RAPGEF5: variants seen among roughly 807,000 people sequenced by gnomAD.
RAPGEF5 encodes the protein M-Ras-regulated GEF.
RAPGEF5 carries 65 observed loss-of-function variants against 125.2 expected under a neutral mutation model. The ratio of observed to expected loss-of-function variants is 0.52; its 90% CI spans 0.43 to 0.64. The LOEUF (loss-of-function observed/expected upper bound fraction) is 0.64, where lower values mean the gene tolerates loss of function less well. RAPGEF5 is among the 30% of genes least tolerant of loss of function. The pLI is 0.00. For missense variants in RAPGEF5, 958 were observed against 1,048.1 expected (o/e 0.91, Z 1.19); for synonymous variants, 391 against 385.9 (o/e 1.01, Z -0.16).
chr7:22,287,481 A>T (rs1782824246), intron 6 of RAPGEF5, among the ~76,000 whole-genome samples: 1 of 152,232 alleles, frequency 6.6e-6, no homozygotes, highest in Non-Finnish European at 1.5e-5. Context: ...AGATAGTCAC[A>T]TGCAAAAATA....
intron 11 of RAPGEF5, among the ~76,000 whole-genome samples, chr7:22,185,680 A>T (rs1784803303): frequency 6.6e-6 from 1 of 152,164 alleles, no homozygotes; most frequent in South Asian, 2.1e-4. Flanking sequence ...GGGGATTTGT[A>T]CTGTCACTGT....
chr7:22,281,208 A>G (rs1782666142), intron 6 of RAPGEF5, among the ~76,000 whole-genome samples: 1 of 152,046 alleles, frequency 6.6e-6, no homozygotes, highest in South Asian at 2.1e-4. Context: ...ATTGGAGAAG[A>G]TGATTTCTTT....
chr7:22,126,616 A>AT (rs952186827), intron 24 of RAPGEF5, among the ~76,000 whole-genome samples: 21 of 151,910 alleles, frequency 1.4e-4, no homozygotes, highest in African/African-American at 3.6e-4. Flanking sequence ...CATTAACATC[A>AT]TTTTTTTTGT....
intron 6 of RAPGEF5, among the ~76,000 whole-genome samples, chr7:22,290,732 G>C (rs1437000388): frequency 7.4e-6 from 1 of 134,466 alleles, no homozygotes; most frequent in South Asian, 2.5e-4. Flanking sequence ...GCGACAGAGC[G>C]AGACTCCGTC....
rs1204077011 is a variant in RAPGEF5 at position 22,121,424 on chromosome 7, A to T, written c.*982T>A. 6.6e-6 allele frequency: 1 copy of T among 152,024 alleles called. No homozygotes were observed. Among genetic ancestry groups the T allele is most frequent in the African/African-American group, 2.4e-5 (1 of 41,356 alleles). 9.4% of individuals were successfully genotyped at this position (152,024 alleles called of 1,614,324 possible). A position where few individuals can be genotyped will look rare whatever the true frequency, so the allele number is the denominator to read the frequency against. ...TGCTTCACTCATTAAATGTCACTTA[A>T]CCTCCCTGCACTGGCTGCTGTCATT... On this transcript the variant is annotated 3_prime_UTR_variant, in exon 26 of 26. Coordinates refer to ENST00000665637, the MANE Select transcript of RAPGEF5 (RefSeq NM_012294.5).
intron 11 of RAPGEF5, among the ~76,000 whole-genome samples, chr7:22,168,595 T>A (rs1784247025): frequency 6.6e-6 from 1 of 152,214 alleles, no homozygotes; most frequent in Non-Finnish European, 1.5e-5. Flanking sequence ...GAAGACTGGA[T>A]GAAAGAAAAT....
chr7:22,152,564 A>G (rs1318645095), intron 17 of RAPGEF5, among the ~76,000 whole-genome samples: 1 of 152,176 alleles, frequency 6.6e-6, no homozygotes, highest in Admixed American at 6.5e-5. Context: ...ACGTATAACT[A>G]CCCTGGGTAA....
At chr7:22,275,549 G>A (rs1782536398) in intron 6 of RAPGEF5, among the ~76,000 whole-genome samples, 1 of 152,204 alleles carries the variant, frequency 6.6e-6, no homozygotes, top group Non-Finnish European at 1.5e-5. Context: ...ACTGTCCACA[G>A]TGGAAATGGT....
In RAPGEF5 at chr7:22,160,701, G is replaced by C. The variant is rs1040519232; in HGVS notation, c.1429-86C>G. ...CTCATACCATGGCTATCCTAACACA[G>C]GAAATAAGGAGGGATTCAGGACAAT... On this transcript the variant is annotated intron_variant, in intron 13 of 25. Coordinates refer to ENST00000665637, the MANE Select transcript of RAPGEF5 (RefSeq NM_012294.5). The C allele has an allele frequency of 6.5e-6, 9 of 1,382,494 alleles. No individual in the cohort carries two copies. The East Asian group carries it at 2.3e-4, about 35-fold the overall frequency. The allele number at this position is 1,382,494 out of a possible 1,614,324, so 85.6% of individuals were successfully genotyped here.
intron 5 of RAPGEF5, among the ~76,000 whole-genome samples, chr7:22,307,790 T>C (rs1448546909): frequency 6.6e-6 from 1 of 152,168 alleles, no homozygotes; most frequent in Admixed American, 6.6e-5. Flanking sequence ...TAAAATAAGC[T>C]ATCACCATGG....
chr7:22,130,168 G>C (rs184396625), intron 24 of RAPGEF5, among the ~76,000 whole-genome samples: 1 of 152,144 alleles, frequency 6.6e-6, no homozygotes, highest in Admixed American at 6.5e-5. Flanking sequence ...TACTGGTATC[G>C]TCTTTAACCA....
intron 9 of RAPGEF5, among the ~76,000 whole-genome samples, chr7:22,215,356 T>C (rs1363890518): frequency 6.6e-6 from 1 of 152,216 alleles, no homozygotes; most frequent in African/African-American, 2.4e-5. Context: ...CAAAACCTAA[T>C]TTAAGGTCCA....
rs1183258748 is a variant in RAPGEF5 at position 22,188,488 on chromosome 7, C to T, written c.1204+4879G>A. 5.3e-5 allele frequency among the ~76,000 whole-genome samples: 8 copies of T among 152,030 alleles called. No individual in the cohort carries two copies. In the East Asian group the frequency reaches 5.8e-4, roughly 11 times the overall value. On this transcript the variant is annotated intron_variant, in intron 11 of 25. Coordinates refer to ENST00000665637, the MANE Select transcript of RAPGEF5 (RefSeq NM_012294.5). ...TGCAATGCTTAAAAAACATCACAGC[C>T]GGGCGCAGTGGCTCACATCTGTAAT...
chr7:22,182,351 C>T (rs1295555049), intron 11 of RAPGEF5, among the ~76,000 whole-genome samples: 2 of 152,106 alleles, frequency 1.3e-5, no homozygotes, highest in East Asian at 1.9e-4. Context: ...TTTCAGCTGC[C>T]GATGTTAGAG....
At chr7:22,259,863 G>C (rs375058693) in intron 7 of RAPGEF5, among the ~76,000 whole-genome samples, 42 of 152,304 alleles carry the variant, frequency 2.8e-4, no homozygotes, top group Non-Finnish European at 5.4e-4. Flanking sequence ...CTCCCAAAGC[G>C]CTAGGATTAC....
chr7:22,127,861 T>C (rs190405334), intron 24 of RAPGEF5, among the ~76,000 whole-genome samples: 46 of 152,344 alleles, frequency 3.0e-4, no homozygotes, highest in Admixed American at 2.4e-3. Context: ...ATTGAATTGT[T>C]GTCATAACCG....
At chr7:22,281,711 A>T (rs1445584077) in intron 6 of RAPGEF5, among the ~76,000 whole-genome samples, 1 of 152,238 alleles carries the variant, frequency 6.6e-6, no homozygotes, top group African/African-American at 2.4e-5. Flanking sequence ...AATGAAACCA[A>T]GATAGCCAAC....
chr7:22,232,985 A>G (rs1404057130), intron 7 of RAPGEF5, among the ~76,000 whole-genome samples: 2 of 152,136 alleles, frequency 1.3e-5, no homozygotes, highest in Admixed American at 6.5e-5. Context: ...CTTTTCTTCT[A>G]TTTTTCAGAG....
At chr7:22,135,935 C>T in intron 23 of RAPGEF5, 103 bp downstream of exon 23, 1 of 847,504 alleles carries the variant, frequency 1.2e-6, no homozygotes, top group South Asian at 1.9e-5. Flanking sequence ...GTCAAAATAA[C>T]TGTAAAGAGA....
Sources: gnomAD v4.1 joint callset for allele counts (sites outside exome capture counted in the v4.1 genomes callset) on GRCh38, gnomAD v4.1.1 for gene constraint, MANE v1.5 for transcripts, NCBI Gene and HGNC (gene_info 2026-07-23, HGNC 2026-07-21) for gene names.